Variants in MICU3 observed in about 807,000 individuals in gnomAD.
MICU3 encodes the protein mitochondrial calcium uptake 3.
A neutral mutation model predicts 66.5 loss-of-function variants in MICU3; 62 were observed. The ratio of observed to expected loss-of-function variants is 0.93; its 90% CI spans 0.76 to 1.15. The LOEUF is 1.15. MICU3 is among the 50% of genes most tolerant of loss of function. MICU3 has a pLI of 0.00. For synonymous variants in MICU3, 308 were observed against 240.7 expected, an observed-to-expected ratio of 1.28 and a Z score of -2.59; for missense variants, 779 against 664.4, an observed-to-expected ratio of 1.17 and a Z score of -1.90.
At chr8:17,128,268 A>ACC in the MICU3 span, among the ~76,000 whole-genome samples, 2 of 147,364 alleles carry the variant, frequency 1.4e-5, no homozygotes, top group African/African-American at 2.5e-5. Context: ...ACACACACAC[A>ACC]CCAGAATGAA....
At chr8:17,114,284 T>C (rs1585563518) in intron 12 of MICU3, 83 bp downstream of exon 12, 1 of 809,452 alleles carries the variant, frequency 1.2e-6, no homozygotes. Flanking sequence ...TAATTAAATA[T>C]GACATATCAC....
intron 1 of MICU3, among the ~76,000 whole-genome samples, chr8:17,055,888 A>G (rs557323413): frequency 6.6e-6 from 1 of 152,198 alleles, no homozygotes; most frequent in African/African-American, 2.4e-5. Flanking sequence ...GGTCTTGATC[A>G]TTGAGAAGGG....
chr8:17,101,552 G>C (rs1279961836), intron 9 of MICU3, among the ~76,000 whole-genome samples: 3 of 151,778 alleles, frequency 2.0e-5, no homozygotes, highest in Admixed American at 6.6e-5. Flanking sequence ...GTGAAGATCT[G>C]CTCTGATCAG....
chr8:17,116,104 T>G lies in MICU3; in HGVS notation c.1367-339T>G, dbSNP rs189781793. On this transcript the variant is annotated intron_variant, in intron 12 of 14. Transcript: ENST00000318063. ...TTTTGTGTGGCCCCTGTAATGATTA[T>G]TTGGGCAGGGGTCTCATTTCCCATC... is the stretch of plus-strand genomic sequence containing the variant. Among the ~76,000 whole-genome samples, 19 of 152,332 alleles carry G rather than the reference T, an allele frequency of 1.2e-4. No homozygotes were observed. In the East Asian group the frequency reaches 3.5e-3, roughly 28 times the overall value.
intron 14 of MICU3, 141 bp downstream of exon 14, chr8:17,118,916 T>G: frequency 2.0e-6 from 1 of 510,060 alleles, no homozygotes; most frequent in Non-Finnish European, 3.3e-6. Flanking sequence ...TAGAGTATCT[T>G]GATTGAAAAA....
intron 9 of MICU3, 60 bp downstream of exon 9, chr8:17,098,613 A>G (rs1330882151): frequency 1.8e-6 from 2 of 1,135,296 alleles, no homozygotes; most frequent in South Asian, 1.3e-5. Flanking sequence ...TCTAGTCGTC[A>G]TTTCATTTTA....
chr8:17,073,858 A>G (rs1192498731), intron 3 of MICU3, among the ~76,000 whole-genome samples: 2 of 152,210 alleles, frequency 1.3e-5, no homozygotes, highest in Non-Finnish European at 2.9e-5. Flanking sequence ...GTGTATTAAC[A>G]TGAGTAGAAC....
At chr8:17,056,656 A>C (rs1313353360) in intron 1 of MICU3, among the ~76,000 whole-genome samples, 5 of 152,226 alleles carry the variant, frequency 3.3e-5, no homozygotes, top group African/African-American at 1.2e-4. Flanking sequence ...ATTTATCCAG[A>C]TACTGTGTTG....
rs372932618 is a variant in MICU3, at chr8:17,118,696, C to T, written c.1525-11C>T. The T allele has an allele frequency of 4.0e-5, 64 of 1,590,700 alleles. No individual in the cohort carries two copies. Among genetic ancestry groups the T allele is most frequent in the Non-Finnish European group, 5.3e-5 (62 of 1,161,672 alleles). On this transcript the variant is annotated splice_polypyrimidine_tract_variant and intron_variant, in intron 13 of 14. Coordinates refer to ENST00000318063, the MANE Select transcript of MICU3 (RefSeq NM_181723.3). ...CTGTACATTTGCACACTTTGCTCTT[C>T]TGTTTTACAGGGTTATAAAACAGTC...
Position 17,069,630 on chromosome 8 carries a change from T to C in MICU3, c.536-58T>C, listed in dbSNP as rs1438298841. ...TATGGTTGTAGATGGTTAGCAAATATGGATATATATTCCATGAAGTATTTA... is the reference window on the plus strand; with the variant it reads ...TATGGTTGTAGATGGTTAGCAAATACGGATATATATTCCATGAAGTATTTA... On this transcript the variant is annotated intron_variant, in intron 2 of 14. Transcript: ENST00000318063. 4.5e-6 allele frequency: 5 copies of C among 1,114,992 alleles called. 1 individual carries two copies. Among genetic ancestry groups the C allele is most frequent in the South Asian group, 4.3e-5 (3 of 69,220 alleles). 69.1% of individuals were successfully genotyped at this position (1,114,992 alleles called of 1,614,324 possible).
At chr8:17,049,359 CTT>C (rs1815657790) in intron 1 of MICU3, among the ~76,000 whole-genome samples, 1 of 152,110 alleles carries the variant, frequency 6.6e-6, no homozygotes, top group Non-Finnish European at 1.5e-5. Flanking sequence ...TATTTATAAA[CTT>C]TGTGCCTGGA....
downstream of MICU3, among the ~76,000 whole-genome samples, chr8:17,123,610 G>A (rs567918322): frequency 2.3e-4 from 35 of 152,192 alleles, no homozygotes; most frequent in South Asian, 1.2e-3. Context: ...CTGTAAGTTT[G>A]GGGGCAGCAT....
rs934631103 is a variant in MICU3, at chr8:17,120,597, T to G, written c.*310T>G. 9.2e-5 allele frequency: 14 copies of G among 152,614 alleles called. No homozygotes were observed. The highest frequency in any genetic ancestry group is 3.4e-4 in the African/African-American group (14 of 41,578). The allele number at this position is 152,614 out of a possible 1,614,324, so 9.5% of individuals were successfully genotyped here. ...CCGGTGACTACATATGAATGTACTT[T>G]CAATATTATTTTTTTATTTATTCAT... On this transcript the variant is annotated 3_prime_UTR_variant, in exon 15 of 15. Transcript: ENST00000318063.
At chr8:17,094,753 T>C (rs1197673468) in intron 8 of MICU3, among the ~76,000 whole-genome samples, 1 of 152,014 alleles carries the variant, frequency 6.6e-6, no homozygotes, top group African/African-American at 2.4e-5. Context: ...CTAGTTCAGC[T>C]TGCAACACAA....
chr8:17,088,703 G>A (rs935874801), intron 7 of MICU3, among the ~76,000 whole-genome samples: 2 of 151,610 alleles, frequency 1.3e-5, no homozygotes, highest in African/African-American at 2.4e-5. Flanking sequence ...GTATTATTCT[G>A]GTCATTAACA....
chr8:17,027,930 C>A (rs772383326), intron 1 of MICU3, among the ~76,000 whole-genome samples: 2 of 152,128 alleles, frequency 1.3e-5, no homozygotes, highest in African/African-American at 4.8e-5. Context: ...CACCCCTCCC[C>A]CTCTTACAAA....
At chr8:17,110,160 A>T (rs1802066584) in intron 11 of MICU3, among the ~76,000 whole-genome samples, 1 of 152,094 alleles carries the variant, frequency 6.6e-6, no homozygotes, top group South Asian at 2.1e-4. Context: ...TGTTTTCTGA[A>T]CGTCTGTTTG....
At chr8:17,029,976 C>G (rs6986415) in intron 1 of MICU3, among the ~76,000 whole-genome samples, 66,252 of 152,084 alleles carry the variant, frequency 0.44, 18,640 homozygotes, top group African/African-American at 0.8. Context: ...GTTTTTATAG[C>G]AGATATCCTG....
rs148455836 is a variant in MICU3, at chr8:17,049,013, G to A, written c.382-15071G>A. 2.2e-3 allele frequency among the ~76,000 whole-genome samples: 333 copies of A among 152,200 alleles called. 2 individuals are homozygous for A. Among genetic ancestry groups the A allele is most frequent in the African/African-American group, 7.4e-3 (305 of 41,474 alleles). ...ATGCAAATAAACAGTACACAGTTCT[G>A]TATTTCGGGGATGGATAACTTACTC... On this transcript the variant is annotated intron_variant, in intron 1 of 14. Coordinates refer to ENST00000318063, the MANE Select transcript of MICU3 (RefSeq NM_181723.3).
Sources: gnomAD v4.1 joint callset for allele counts (sites outside exome capture counted in the v4.1 genomes callset) on GRCh38, gnomAD v4.1.1 for gene constraint, MANE v1.5 for transcripts, NCBI Gene and HGNC (gene_info 2026-07-23, HGNC 2026-07-21) for gene names.